Variants in PRKCB observed in about 807,000 individuals in gnomAD.
PRKCB encodes protein kinase C beta type.
PRKCB carries 13 observed loss-of-function variants against 81.5 expected under a neutral mutation model. That is an observed-to-expected ratio of 0.16 (90% CI 0.10 to 0.25). The LOEUF is 0.25. Among genes scored for constraint, PRKCB ranks in the 10% least tolerant of loss-of-function variants. The probability of loss-of-function intolerance (pLI) is 1.00; values close to 1 mark genes in which losing one functional copy is unlikely to be tolerated. For missense variants in PRKCB, 509 were observed against 875.7 expected (o/e 0.58, Z 5.29); for synonymous variants, 335 against 321.4 (o/e 1.04, Z -0.45).
At chr16:23,926,901 A>G (rs1187127592) in intron 2 of PRKCB, among the ~76,000 whole-genome samples, 1 of 152,124 alleles carries the variant, frequency 6.6e-6, no homozygotes, top group Non-Finnish European at 1.5e-5. Context: ...TTTAAAAGCA[A>G]GTTTTCTCAA....
chr16:23,917,042 T>C (rs1286647148), intron 2 of PRKCB, among the ~76,000 whole-genome samples: 2 of 152,026 alleles, frequency 1.3e-5, no homozygotes, highest in African/African-American at 4.8e-5. Context: ...TCCCAAAGTG[T>C]TGGGGTTACA....
At chr16:24,190,307 A>G (rs754734671) in intron 15 of PRKCB, among the ~76,000 whole-genome samples, 1 of 152,184 alleles carries the variant, frequency 6.6e-6, no homozygotes, top group Non-Finnish European at 1.5e-5. Flanking sequence ...CTTTACTGAG[A>G]AATGCAAATG....
chr16:24,021,235 C>CTTTCT (rs1567347182), intron 3 of PRKCB, among the ~76,000 whole-genome samples: 184 of 15,024 alleles, frequency 0.012, 8 homozygotes, highest in African/African-American at 0.052. Flanking sequence ...TCTTTCTTTC[C>CTTTCT]TTCCTTCCTT....
chr16:23,841,321 C>T (rs1962259902), intron 2 of PRKCB, among the ~76,000 whole-genome samples: 1 of 152,032 alleles, frequency 6.6e-6, no homozygotes, highest in Admixed American at 6.6e-5. Context: ...CTCAGGTGAT[C>T]CACCCGCCTC....
chr16:23,880,910 C>T (rs1297598219), intron 2 of PRKCB, among the ~76,000 whole-genome samples: 1 of 152,164 alleles, frequency 6.6e-6, no homozygotes. Context: ...TCACATTTTA[C>T]GATCTTTTTT....
chr16:23,860,509 T>C (rs1294410560), intron 2 of PRKCB, among the ~76,000 whole-genome samples: 1 of 152,160 alleles, frequency 6.6e-6, no homozygotes, highest in East Asian at 1.9e-4. Context: ...TTTTAAAATA[T>C]CTGAAGTATG....
chr16:24,170,949 C>T (rs1207879409), intron 10 of PRKCB, among the ~76,000 whole-genome samples: 1 of 152,214 alleles, frequency 6.6e-6, no homozygotes, highest in Non-Finnish European at 1.5e-5. Context: ...CTGATTAGGA[C>T]ACAGATTTTT....
At position 24,215,208 on chromosome 16, in the gene PRKCB, G is replaced by A; in HGVS notation, c.*392G>A. 4 of 1,005,984 alleles carry A rather than the reference G, an allele frequency of 4.0e-6. No individual in the cohort carries two copies. The highest frequency in any genetic ancestry group is 4.8e-6 in the Non-Finnish European group (4 of 842,002). The allele number at this position is 1,005,984 out of a possible 1,614,324, so 62.3% of individuals were successfully genotyped here. A position where few individuals can be genotyped will look rare whatever the true frequency, so the allele number is the denominator to read the frequency against. ...TGTTAGCGGTACTCTTCCACTTCCG[G>A]GCCTGGAGCTTGGCTTGTATCCAAG... is the stretch of plus-strand genomic sequence containing the variant. On this transcript the variant is annotated 3_prime_UTR_variant, in exon 17 of 17. Transcript: ENST00000643927.
chr16:24,202,004 C>G (rs151242688), intron 16 of PRKCB, among the ~76,000 whole-genome samples: 1 of 150,456 alleles, frequency 6.6e-6, no homozygotes, highest in South Asian at 2.1e-4. Flanking sequence ...CCACTGCAGT[C>G]CAGCCTGGGC....
chr16:24,177,928 G>A (rs936121999), intron 12 of PRKCB, among the ~76,000 whole-genome samples: 1 of 151,976 alleles, frequency 6.6e-6, no homozygotes, highest in Middle Eastern at 3.4e-3. Flanking sequence ...GCTCACCATC[G>A]AGAACGCTGA....
At chr16:24,094,044 C>A (rs1966409210) in intron 6 of PRKCB, 119 bp from the exon 7 acceptor site, 2 of 1,171,756 alleles carry the variant, frequency 1.7e-6, no homozygotes, top group African/African-American at 1.6e-5. Context: ...GAATATGTTT[C>A]TTTCAGCAGC....
chr16:23,998,932 G>A (rs1274968485), intron 3 of PRKCB, among the ~76,000 whole-genome samples: 1 of 152,204 alleles, frequency 6.6e-6, no homozygotes, highest in Non-Finnish European at 1.5e-5. Flanking sequence ...CCTTGAGCAT[G>A]AGGAGAGCAG....
At chr16:23,936,484 C>T (rs1248188884) in intron 2 of PRKCB, among the ~76,000 whole-genome samples, 2 of 151,874 alleles carry the variant, frequency 1.3e-5, no homozygotes, top group Non-Finnish European at 2.9e-5. Flanking sequence ...GCGATCTTGG[C>T]TTACTACAAC....
intron 13 of PRKCB, among the ~76,000 whole-genome samples, chr16:24,182,873 T>TTTGTGTGTGTGTGTGTGTG (rs1555501177): frequency 1.6e-4 from 22 of 133,522 alleles, no homozygotes; most frequent in African/African-American, 6.8e-4. Context: ...ACATTGTTTC[T>TTTGTGTGTGTGTGTGTGTG]TGTGTGTGTG....
chr16:24,132,325 A>G (rs1966854516), intron 9 of PRKCB, among the ~76,000 whole-genome samples: 1 of 152,242 alleles, frequency 6.6e-6, no homozygotes, highest in Non-Finnish European at 1.5e-5. Context: ...ATTGGAATCC[A>G]TACATTATTC....
intron 2 of PRKCB, among the ~76,000 whole-genome samples, chr16:23,852,848 A>G (rs1402349574): frequency 6.6e-6 from 1 of 152,188 alleles, no homozygotes; most frequent in Non-Finnish European, 1.5e-5. Flanking sequence ...CCATTGACTT[A>G]TGCCCATTTT....
At chr16:24,134,900 C>T (rs1966859849) in intron 9 of PRKCB, among the ~76,000 whole-genome samples, 1 of 152,032 alleles carries the variant, frequency 6.6e-6, no homozygotes, top group African/African-American at 2.4e-5. Context: ...AGCAGAGGGA[C>T]ACCCTGTCTC....
chr16:23,859,885 A>AAGAG (rs149041927), intron 2 of PRKCB, among the ~76,000 whole-genome samples: 1 of 146,170 alleles, frequency 6.8e-6, no homozygotes, highest in African/African-American at 2.6e-5. Flanking sequence ...GAGAGAGAGA[A>AAGAG]AGAGAGAGAG....
At chr16:24,184,589 C>T (rs1408953705) in intron 13 of PRKCB, among the ~76,000 whole-genome samples, 1 of 152,048 alleles carries the variant, frequency 6.6e-6, no homozygotes. Flanking sequence ...AAATATTAGT[C>T]ATAATTTTTC....
Sources: allele counts gnomAD v4.1 joint callset (sites outside exome capture counted in the v4.1 genomes callset), GRCh38; gene constraint gnomAD v4.1.1; transcripts MANE v1.5; gene names NCBI Gene and HGNC (gene_info 2026-07-23, HGNC 2026-07-21).